Variants in IGFN1 observed in about 807,000 individuals in gnomAD.
IGFN1 encodes the protein immunoglobulin like and fibronectin type III domain containing 1.
In IGFN1, 253 loss-of-function variants were observed where a neutral mutation model predicts 289.5. The ratio of observed to expected loss-of-function variants is 0.87; its 90% CI spans 0.79 to 0.97. The LOEUF is 0.97. IGFN1 is among the 50% of genes least tolerant of loss of function. IGFN1 has a pLI of 0.00. For synonymous variants in IGFN1, 1,706 were observed against 1,788.5 expected, an observed-to-expected ratio of 0.95 and a Z score of 1.16; for missense variants, 4,470 against 4,686.1, an observed-to-expected ratio of 0.95 and a Z score of 1.35.
At chr1:201,197,112 A>G in intron 4 of IGFN1, 106 bp from the exon 5 acceptor site, 1 of 671,254 alleles carries the variant, frequency 1.5e-6, no homozygotes, top group Non-Finnish European at 2.7e-6. Flanking sequence ...CCATGAGGAC[A>G]AGGACCATGT....
At chr1:201,193,402 C>G in intron 2 of IGFN1, 102 bp downstream of exon 2, 1 of 799,318 alleles carries the variant, frequency 1.3e-6, no homozygotes, top group South Asian at 1.7e-5. Context: ...GGGAACTTGC[C>G]CATCTTGTTG....
rs1297279776 is a variant in IGFN1, at chr1:201,208,090, A to C, written c.3197A>C (p.Asp1066Ala). 6.5e-7 allele frequency: 1 copy of C among 1,536,892 alleles called. No individual in the cohort carries two copies. Among genetic ancestry groups the C allele is most frequent in the Admixed American group, 2.0e-5 (1 of 50,984 alleles). ...GCCTCTGCATGCCAGGCAGGCATGG[A>C]CCCTAGGGGAGGGCACCATTCAGAT... ...NWASACQAGM[D>A]PRGGHHSDGG... Residue 1066 changes from aspartate to alanine, a missense_variant, in exon 12 of 24, where the codon GAC becomes GCC. Physicochemically the swap from Asp to Ala is moderately radical, Grantham distance 126 (BLOSUM62 -2). Around this residue, in one of 8 missense-constraint regions of IGFN1, gnomAD observed 2,011 missense variants for 1,953.4 expected, o/e 1.03. Coordinates refer to ENST00000335211, the MANE Select transcript of IGFN1 (RefSeq NM_001164586.2).
At chr1:201,191,385 G>A (rs1666652365) in intron 1 of IGFN1, among the ~76,000 whole-genome samples, 1 of 152,126 alleles carries the variant, frequency 6.6e-6, no homozygotes, top group Admixed American at 6.5e-5. Context: ...ATGGATCCGG[G>A]GAGGGTAGGG....
intron 22 of IGFN1, among the ~76,000 whole-genome samples, chr1:201,226,464 C>T (rs191593627): frequency 6.4e-4 from 98 of 152,292 alleles, no homozygotes; most frequent in African/African-American, 2.3e-3. Flanking sequence ...GTATATTTTA[C>T]CGCAAAGTAG....
At position 201,218,520 on chromosome 1, in the gene IGFN1, C is replaced by T. The variant is rs535683465; in HGVS notation, c.9770-10C>T. On this transcript the variant is annotated splice_polypyrimidine_tract_variant and intron_variant, in intron 17 of 23. Coordinates refer to ENST00000335211, the MANE Select transcript of IGFN1 (RefSeq NM_001164586.2). ...TCAGGGTGGGACTCACATGGGCGGG[C>T]TGTTCACAGAGAGGAGGTGGACGGT... 6.2e-7 allele frequency: 1 copy of T among 1,609,934 alleles called. No homozygotes were observed. The highest frequency in any genetic ancestry group is 2.2e-5 in the East Asian group (1 of 44,882).
At position 201,200,140 on chromosome 1, in the gene IGFN1, G is replaced by A. The variant is rs534295294; in HGVS notation, c.459-97G>A. 448 of 960,736 alleles carry A rather than the reference G, an allele frequency of 4.7e-4. 1 individual carries two copies. The African/African-American group carries it at 5.8e-3, about 13-fold the overall frequency. 59.5% of individuals were successfully genotyped at this position (960,736 alleles called of 1,614,324 possible). Reference sequence around the variant, plus strand: ...CTCTGCGTTTCCTCGAGTGCAGATAGAGCAGCTTCCCAGAACTACTTGGGA... The same window carrying A: ...CTCTGCGTTTCCTCGAGTGCAGATAAAGCAGCTTCCCAGAACTACTTGGGA... On this transcript the variant is annotated intron_variant, in intron 7 of 23. Transcript: ENST00000335211.
At chr1:201,219,697 G>A (rs774286385) in intron 18 of IGFN1, among the ~76,000 whole-genome samples, 2 of 152,238 alleles carry the variant, frequency 1.3e-5, no homozygotes, top group Non-Finnish European at 2.9e-5. Context: ...GAGCATCTCT[G>A]TGCCCCACAG....
In IGFN1 at chr1:201,215,165, G is replaced by GCCCTGCCCTGC. The variant is rs1380033581; in HGVS notation, c.8995+14_8995+24dup. 1 of 1,592,000 alleles carries GCCCTGCCCTGC rather than the reference G, an allele frequency of 6.3e-7. No homozygotes were observed. Among genetic ancestry groups the GCCCTGCCCTGC allele is most frequent in the Admixed American group, 1.7e-5 (1 of 58,964 alleles). Reference sequence around the variant, plus strand: ...CCCTGACCGTCCAGGGTAAGGCCCAGCCCTGCCCTGCCCTGCCCTGTCCTG... The same window carrying GCCCTGCCCTGC: ...CCCTGACCGTCCAGGGTAAGGCCCAGCCCTGCCCTGCCCCTGCCCTGCCCTGCCCTGTCCTG... On this transcript the variant is annotated intron_variant, in intron 14 of 23. Coordinates refer to ENST00000335211, the MANE Select transcript of IGFN1 (RefSeq NM_001164586.2).
Position 201,194,252 on chromosome 1 carries a change from G to C in IGFN1, c.106G>C (p.Val36Leu), listed in dbSNP as rs550131357. Residue 36 changes from valine to leucine, a missense_variant, in exon 3 of 24, where the codon GTC becomes CTC. Around this residue, in one of 8 missense-constraint regions of IGFN1, gnomAD observed 2,011 missense variants for 1,953.4 expected, o/e 1.03. Coordinates refer to ENST00000335211, the MANE Select transcript of IGFN1 (RefSeq NM_001164586.2). ...CACGCCGGACTTTGAGCAGAAGCCCGTCACCTCGGCTCTGCCAGAGGGTGA... is the reference window on the plus strand; with the variant it reads ...CACGCCGGACTTTGAGCAGAAGCCCCTCACCTCGGCTCTGCCAGAGGGTGA... ...CSTPDFEQKP[V>L]TSALPEGKNA... The C allele has an allele frequency of 6.4e-7, 1 of 1,551,480 alleles. No individual in the cohort carries two copies. Among genetic ancestry groups the C allele is most frequent in the East Asian group, 2.4e-5 (1 of 40,900 alleles).
In IGFN1 at chr1:201,209,396, T is replaced by G. The variant is rs1214091459; in HGVS notation, c.4503T>G (p.Val1501=). The change falls in exon 12 of 24, where the codon GTT becomes GTG. Residue 1501 remains valine (V), a synonymous_variant. Transcript: ENST00000335211. The part of the protein sequence containing the change: ...IEAGYRKDLG[V]SEGGGSGSKA... ...CAGGCTATAGGAAAGATTTGGGGGT[T>G]TCTGAGGGAGGGGGTTCAGGGAGCA... 5.9e-6 allele frequency: 9 copies of G among 1,520,982 alleles called. No homozygotes were observed. Among genetic ancestry groups the G allele is most frequent in the Non-Finnish European group, 7.9e-6 (9 of 1,139,648 alleles). 94.2% of individuals were successfully genotyped at this position (1,520,982 alleles called of 1,614,324 possible).
intron 19 of IGFN1, chr1:201,222,061 G>T: frequency 4.5e-6 from 1 of 221,392 alleles, no homozygotes. Flanking sequence ...ATTTAAACCT[G>T]GAGACTCCAA....
In IGFN1 at chr1:201,214,298, C is replaced by T. The variant is rs544438098; in HGVS notation, c.8850C>T (p.Val2950=). 63 of 1,608,300 alleles carry T rather than the reference C, an allele frequency of 3.9e-5. No individual in the cohort carries two copies. In the East Asian group the frequency reaches 1.3e-3, roughly 34 times the overall value. Residue 2950 remains valine, a synonymous_variant, in exon 13 of 24, where the codon GTC becomes GTT. Transcript: ENST00000335211. ...CTGGCACCTGGTTTAAGGATGGCGT[C>T]AAGGTACTGCCTCCCCTCACACCTT... ...LGPGTWFKDG[V]KLTTQDGVIF...
rs185266144 is a variant in IGFN1, at chr1:201,212,602, G to A, written c.7709G>A (p.Gly2570Glu). The A allele has an allele frequency of 2.6e-6, 4 of 1,547,038 alleles. No individual in the cohort carries two copies. The Admixed American group carries it at 7.9e-5, about 31-fold the overall frequency. The change falls in exon 12 of 24, where the codon GGG (glycine) becomes GAG (glutamate). Residue 2570 changes from glycine (G) to glutamate (E), a missense_variant. Physicochemically the swap from Gly to Glu is moderately conservative, Grantham distance 98 (BLOSUM62 -2). This residue lies in a region of IGFN1 where 2,218 missense variants were observed against 2,114.1 expected (regional missense o/e 1.05). Coordinates refer to ENST00000335211, the MANE Select transcript of IGFN1 (RefSeq NM_001164586.2). Reference sequence around the variant, plus strand: ...GACAGGGGTAGAGTTGCTGGCCAGGGGGGGTTGGCATCTCAGGGAGGTGGG... The same window carrying A: ...GACAGGGGTAGAGTTGCTGGCCAGGAGGGGTTGGCATCTCAGGGAGGTGGG... ...MTDRGRVAGQ[G>E]GLASQGGGDS...
chr1:201,206,894 C>T lies in IGFN1; in HGVS notation c.2001C>T (p.Ser667=). ...GGTGLGEAGD[S]NGAGGPGTLE... ...CTGGCCTGGGAGAAGCTGGAGACAGCAATGGGGCAGGAGGTCCTGGCACCC... is the reference window on the plus strand; with the variant it reads ...CTGGCCTGGGAGAAGCTGGAGACAGTAATGGGGCAGGAGGTCCTGGCACCC... Residue 667 remains serine, a synonymous_variant, in exon 12 of 24, where the codon AGC becomes AGT. Transcript: ENST00000335211. 1 of 1,536,058 alleles carries T rather than the reference C, an allele frequency of 6.5e-7. No homozygotes were observed. Among genetic ancestry groups the T allele is most frequent in the South Asian group, 1.2e-5 (1 of 83,910 alleles).
intron 1 of IGFN1, among the ~76,000 whole-genome samples, chr1:201,191,938 C>T (rs935364938): frequency 6.7e-6 from 1 of 148,260 alleles, no homozygotes; most frequent in Non-Finnish European, 1.5e-5. Flanking sequence ...TGGGGGTCAC[C>T]GACTGGCACC....
rs756145525 is a variant in IGFN1 at position 201,215,021 on chromosome 1, C to G, written c.8862C>G (p.Thr2954=). ...TWFKDGVKLT[T]QDGVIFKQDG... ...TGTGGCCCTGTCTCCAGCTCACCAC[C>G]CAGGATGGAGTCATCTTTAAGCAAG... The change falls in exon 14 of 24, where the codon ACC becomes ACG. Residue 2954 remains threonine, a synonymous_variant. Transcript: ENST00000335211. 7 of 1,613,698 alleles carry G rather than the reference C, an allele frequency of 4.3e-6. No homozygotes were observed. The African/African-American group carries it at 8.0e-5, about 18-fold the overall frequency.
rs1398450459 is a variant in IGFN1, at chr1:201,221,431, T to C, written c.9899-13T>C. 5 of 1,547,356 alleles carry C rather than the reference T, an allele frequency of 3.2e-6. No individual in the cohort carries two copies. The highest frequency in any genetic ancestry group is 3.7e-5 in the Admixed American group (2 of 54,276). ...GGAGATGCCATTCCTGACTCTCCCA[T>C]GGTGCCTGGCAGGACCCCCTGGGCT... On this transcript the variant is annotated splice_polypyrimidine_tract_variant and intron_variant, in intron 18 of 23. Coordinates refer to ENST00000335211, the MANE Select transcript of IGFN1 (RefSeq NM_001164586.2).
At chr1:201,224,397 G>C (rs539205635) in intron 20 of IGFN1, among the ~76,000 whole-genome samples, 1 of 152,256 alleles carries the variant, frequency 6.6e-6, no homozygotes, top group East Asian at 1.9e-4. Flanking sequence ...GATGTCTGTA[G>C]AGGTGTGACG....
At position 201,217,298 on chromosome 1, in the gene IGFN1, G is replaced by T; in HGVS notation, c.9607G>T (p.Ala3203Ser). 1 of 1,613,770 alleles carries T rather than the reference G, an allele frequency of 6.2e-7. No homozygotes were observed. Among genetic ancestry groups the T allele is most frequent in the Non-Finnish European group, 8.5e-7 (1 of 1,179,948 alleles). Residue 3203 changes from alanine to serine, a missense_variant, in exon 17 of 24, where the codon GCC becomes TCC. Ala to Ser is a moderately conservative substitution (Grantham distance 99). Coordinates refer to ENST00000335211, the MANE Select transcript of IGFN1 (RefSeq NM_001164586.2). The part of the protein sequence containing the change: ...ILVAPEALPK[A>S]PSAPAILSAS... ...TTTCTTACCCCCAGCTCTCCCCAAGGCCCCTTCCGCGCCAGCCATCCTGTC... is the reference window on the plus strand; with the variant it reads ...TTTCTTACCCCCAGCTCTCCCCAAGTCCCCTTCCGCGCCAGCCATCCTGTC...
Sources: gnomAD v4.1 joint callset for allele counts (sites outside exome capture counted in the v4.1 genomes callset) on GRCh38, gnomAD v4.1.1 for gene constraint, gnomAD v4.1.1 regional missense constraint, MANE v1.5 for transcripts, NCBI Gene and HGNC (gene_info 2026-07-23, HGNC 2026-07-21) for gene names.